CNN3: variants seen among roughly 807,000 people sequenced by gnomAD.
The protein encoded by CNN3 is calponin-3.
CNN3 carries 11 observed loss-of-function variants against 39.0 expected under a neutral mutation model. The observed-to-expected ratio is 0.28, with a 90% CI of 0.18 to 0.47. The LOEUF (loss-of-function observed/expected upper bound fraction) is 0.47, where lower values mean the gene tolerates loss of function less well. Among genes scored for constraint, CNN3 ranks in the 20% least tolerant of loss-of-function variants. The pLI is 0.99. For missense variants in CNN3, 266 were observed against 403.4 expected, an observed-to-expected ratio of 0.66 and a Z score of 2.92; for synonymous variants, 101 against 138.3, an observed-to-expected ratio of 0.73 and a Z score of 1.89.
At chr1:94,900,653 A>C (rs1319552975) in intron 5 of CNN3, among the ~76,000 whole-genome samples, 1 of 152,228 alleles carries the variant, frequency 6.6e-6, no homozygotes, top group Non-Finnish European at 1.5e-5. Flanking sequence ...GCATAGACTC[A>C]GTAGAAAGGG....
intron 1 of CNN3, 56 bp from the exon 2 acceptor site, chr1:94,903,580 C>A: frequency 6.2e-7 from 1 of 1,606,080 alleles, no homozygotes; most frequent in East Asian, 2.2e-5. Context: ...CAGAAACTGC[C>A]GACTCACAAC....
chr1:94,910,980 G>C (rs1354981642), intron 1 of CNN3, among the ~76,000 whole-genome samples: 5 of 152,150 alleles, frequency 3.3e-5, no homozygotes, highest in Non-Finnish European at 5.9e-5. Flanking sequence ...CTGCCTCTCT[G>C]TCTTTGCTAA....
At chr1:94,914,262 C>T (rs1671230226) in intron 1 of CNN3, among the ~76,000 whole-genome samples, 1 of 152,132 alleles carries the variant, frequency 6.6e-6, no homozygotes, top group African/African-American at 2.4e-5. Context: ...AGGCACATGA[C>T]CTGTTTGCAA....
chr1:94,915,673 C>T (rs1214461101), intron 1 of CNN3, among the ~76,000 whole-genome samples: 1 of 152,176 alleles, frequency 6.6e-6, no homozygotes, highest in Non-Finnish European at 1.5e-5. Context: ...AACTTCCCAT[C>T]CCTTCCAGAT....
rs1413497245 is a variant in CNN3, at chr1:94,926,769, G to A, written c.57+69C>T. On this transcript the variant is annotated intron_variant, in intron 1 of 6. Transcript: ENST00000370206. The surrounding 1 kb of genome is among the most constrained non-coding windows in gnomAD (Gnocchi z 4.2). ...AGCCACAGCGCGAAGAGCAAACGAA[G>A]CACGGCCCAGCGCCAGGCCAGCCCA... 1.3e-6 allele frequency: 2 copies of A among 1,513,570 alleles called. No homozygotes were observed. Among genetic ancestry groups the A allele is most frequent in the Non-Finnish European group, 1.8e-6 (2 of 1,105,786 alleles). The allele number at this position is 1,513,570 out of a possible 1,614,324, so 93.8% of individuals were successfully genotyped here. A position where few individuals can be genotyped will look rare whatever the true frequency, so the allele number is the denominator to read the frequency against.
chr1:94,925,405 C>G (rs1377155396), intron 1 of CNN3, among the ~76,000 whole-genome samples: 1 of 152,204 alleles, frequency 6.6e-6, no homozygotes, highest in Non-Finnish European at 1.5e-5. Context: ...GGTTTGCACT[C>G]AATCATACAC....
chr1:94,908,847 T>TTA (rs1553216760), intron 1 of CNN3, among the ~76,000 whole-genome samples: 1 of 151,498 alleles, frequency 6.6e-6, no homozygotes, highest in Admixed American at 6.6e-5. Flanking sequence ...ATAATTTTTT[T>TTA]AAAAAAATTA....
chr1:94,920,573 C>T (rs965466397), intron 1 of CNN3, among the ~76,000 whole-genome samples: 3 of 152,078 alleles, frequency 2.0e-5, no homozygotes, highest in Admixed American at 6.6e-5. Context: ...CTGATTTCTC[C>T]CAACAACCCT....
chr1:94,897,371 TAAAAAAA>T lies in CNN3; in HGVS notation c.*364_*370del, dbSNP rs56226800. ...TGTAGAAACCAGATACACTAAACTG[TAAAAAAA>T]AAAAAAAAAAAAAAAAGTTTCCTAT... On this transcript the variant is annotated 3_prime_UTR_variant, in exon 7 of 7. Transcript: ENST00000370206. The T allele has an allele frequency of 2.8e-4, 36 of 126,960 alleles. No homozygotes were observed. Among genetic ancestry groups the T allele is most frequent in the East Asian group, 6.9e-4 (3 of 4,376 alleles). 7.9% of individuals were successfully genotyped at this position (126,960 alleles called of 1,614,324 possible). A position where few individuals can be genotyped will look rare whatever the true frequency, so the allele number is the denominator to read the frequency against.
intron 1 of CNN3, among the ~76,000 whole-genome samples, chr1:94,925,065 G>A (rs1357220262): frequency 6.6e-6 from 1 of 152,172 alleles, no homozygotes; most frequent in Non-Finnish European, 1.5e-5. Context: ...GATCTGCTCA[G>A]TATTAAGCAG....
intron 1 of CNN3, among the ~76,000 whole-genome samples, chr1:94,924,829 C>T (rs1671538186): frequency 6.6e-6 from 1 of 152,204 alleles, no homozygotes; most frequent in African/African-American, 2.4e-5. Context: ...TCCTCCTCAC[C>T]TTACAGGACT....
intron 1 of CNN3, among the ~76,000 whole-genome samples, chr1:94,911,251 T>C (rs1671155347): frequency 6.6e-6 from 1 of 152,204 alleles, no homozygotes; most frequent in South Asian, 2.1e-4. Flanking sequence ...GCGGAGGAAC[T>C]AGACATTTAA....
intron 5 of CNN3, among the ~76,000 whole-genome samples, chr1:94,900,497 T>A (rs1476191030): frequency 6.6e-6 from 1 of 152,224 alleles, no homozygotes; most frequent in East Asian, 1.9e-4. Context: ...CCATAACCTA[T>A]CTTTTCAAAC....
intron 1 of CNN3, among the ~76,000 whole-genome samples, chr1:94,908,366 G>A (rs972954138): frequency 9.2e-5 from 14 of 152,196 alleles, no homozygotes; most frequent in East Asian, 1.9e-4. Context: ...TGTTGTGGTC[G>A]TGGTGGCGGC....
intron 1 of CNN3, among the ~76,000 whole-genome samples, chr1:94,920,033 T>C (rs2101739958): frequency 6.6e-6 from 1 of 152,320 alleles, no homozygotes; most frequent in East Asian, 1.9e-4. Context: ...GTTAACCAGC[T>C]AGCTGTGGAG....
intron 1 of CNN3, among the ~76,000 whole-genome samples, chr1:94,908,125 T>C (rs1377479276): frequency 6.6e-6 from 1 of 152,172 alleles, no homozygotes; most frequent in Non-Finnish European, 1.5e-5. Context: ...CCGAGGAGAA[T>C]ACTGTCTAGG....
chr1:94,926,460 G>A lies in CNN3; in HGVS notation c.57+378C>T, dbSNP rs1382798087. ...TCGCCGGGTCCCTGGCCGCGCAGAC[G>A]GGCTCCGCCTAAGGGCGAGTGGCCA... On this transcript the variant is annotated intron_variant, in intron 1 of 6. Coordinates refer to ENST00000370206, the MANE Select transcript of CNN3 (RefSeq NM_001839.5). The surrounding 1 kb of genome is among the most constrained non-coding windows in gnomAD (Gnocchi z 4.2). 6.6e-6 allele frequency among the ~76,000 whole-genome samples: 1 copy of A among 152,280 alleles called. No homozygotes were observed. Among genetic ancestry groups the A allele is most frequent in the African/African-American group, 2.4e-5 (1 of 41,572 alleles).
intron 1 of CNN3, among the ~76,000 whole-genome samples, chr1:94,921,181 G>C (rs564577408): frequency 3.3e-5 from 5 of 152,198 alleles, no homozygotes; most frequent in Non-Finnish European, 7.3e-5. Flanking sequence ...TATCACTTGA[G>C]GTCAGGCGTT....
chr1:94,902,009 G>C (rs934567493), intron 4 of CNN3, 112 bp downstream of exon 4: 3 of 929,970 alleles, frequency 3.2e-6, no homozygotes, highest in Non-Finnish European at 5.1e-6. Flanking sequence ...ACTAATTACA[G>C]AAGAGACAGG....
Sources: allele counts gnomAD v4.1 joint callset (sites outside exome capture counted in the v4.1 genomes callset), GRCh38; gene constraint gnomAD v4.1.1; non-coding constraint Gnocchi (gnomAD v3.1); transcripts MANE v1.5; gene names NCBI Gene and HGNC (gene_info 2026-07-23, HGNC 2026-07-21).